Variants in PACSIN1 observed in about 807,000 individuals in gnomAD.
The protein encoded by PACSIN1 is protein kinase C and casein kinase substrate in neurons protein 1.
PACSIN1 carries 15 observed loss-of-function variants against 59.5 expected under a neutral mutation model. The ratio of observed to expected loss-of-function variants is 0.25; its 90% CI spans 0.17 to 0.39. The LOEUF (loss-of-function observed/expected upper bound fraction) is 0.39. Ranked by LOEUF, PACSIN1 falls within the 10% of genes least tolerant of loss-of-function variation. The pLI is 1.00. For synonymous variants in PACSIN1, 210 were observed against 220.6 expected, an observed-to-expected ratio of 0.95 and a Z score of 0.42; for missense variants, 420 against 580.2, an observed-to-expected ratio of 0.72 and a Z score of 2.84.
At chr6:34,512,358 G>T (rs963073435) in intron 1 of PACSIN1, among the ~76,000 whole-genome samples, 2 of 150,662 alleles carry the variant, frequency 1.3e-5, no homozygotes, top group African/African-American at 4.9e-5. Flanking sequence ...TGACGGAGGG[G>T]TGGGTGGGAG....
rs1013755465 is a variant in PACSIN1 at position 34,487,088 on chromosome 6, C to T, written c.-64+20818C>T. Among the ~76,000 whole-genome samples the T allele has an allele frequency of 1.3e-4, 20 of 151,912 alleles. No homozygotes were observed. In the East Asian group the frequency reaches 2.9e-3, roughly 22 times the overall value. The stretch of plus-strand genomic sequence containing the variant: ...AGGAGGCTGAGGTGGGAGGATCAGC[C>T]GAGCCCAGGGAGGTTGAGGCTGCAG... On this transcript the variant is annotated intron_variant, in intron 1 of 9. Transcript: ENST00000244458.
intron 3 of PACSIN1, 97 bp from the exon 4 acceptor site, chr6:34,528,545 T>C: frequency 1.1e-6 from 1 of 893,802 alleles, no homozygotes; most frequent in Non-Finnish European, 1.8e-6. Context: ...TTTCTGTTGC[T>C]ATGAGAGGAA....
intron 1 of PACSIN1, among the ~76,000 whole-genome samples, chr6:34,476,934 C>T (rs140630293): frequency 3.0e-4 from 45 of 152,326 alleles, no homozygotes; most frequent in Non-Finnish European, 6.0e-4. Flanking sequence ...TGGTAATGGG[C>T]ATCTATGAGG....
intron 1 of PACSIN1, among the ~76,000 whole-genome samples, chr6:34,472,644 G>A (rs1218816511): frequency 6.6e-6 from 1 of 151,972 alleles, no homozygotes. Context: ...CGTGTGTTTG[G>A]AGAGTTTTTA....
intron 1 of PACSIN1, among the ~76,000 whole-genome samples, chr6:34,491,359 G>A (rs1314439658): frequency 1.3e-5 from 2 of 152,072 alleles, no homozygotes; most frequent in African/African-American, 4.8e-5. Flanking sequence ...TCTTGTCCCT[G>A]CAGTGCGGTC....
At chr6:34,526,474 C>T in intron 2 of PACSIN1, 106 bp downstream of exon 2, 1 of 878,074 alleles carries the variant, frequency 1.1e-6, no homozygotes, top group Non-Finnish European at 1.8e-6. Flanking sequence ...CTCCGCAGTC[C>T]CCCAGGCCCC....
chr6:34,504,690 T>C (rs1197361597), intron 1 of PACSIN1, among the ~76,000 whole-genome samples: 2 of 152,244 alleles, frequency 1.3e-5, no homozygotes, highest in Admixed American at 1.3e-4. Flanking sequence ...TTTCCATTTT[T>C]CTTTCCTCCT....
At chr6:34,478,896 C>T (rs1182399715) in intron 1 of PACSIN1, among the ~76,000 whole-genome samples, 3 of 152,202 alleles carry the variant, frequency 2.0e-5, no homozygotes, top group African/African-American at 2.4e-5. Flanking sequence ...AGCAGCATGG[C>T]GCCGGGTCTG....
chr6:34,478,128 C>T (rs1259379464), intron 1 of PACSIN1, among the ~76,000 whole-genome samples: 1 of 149,798 alleles, frequency 6.7e-6, no homozygotes, highest in Non-Finnish European at 1.5e-5. Flanking sequence ...GGCGCGATCT[C>T]GGCTTACTGC....
At chr6:34,507,034 A>T (rs1767126627) in intron 1 of PACSIN1, among the ~76,000 whole-genome samples, 1 of 151,964 alleles carries the variant, frequency 6.6e-6, no homozygotes, top group Non-Finnish European at 1.5e-5. Flanking sequence ...TACAGTAGGG[A>T]CGTCATTGTT....
intron 1 of PACSIN1, among the ~76,000 whole-genome samples, chr6:34,491,273 G>A (rs1766872476): frequency 6.6e-6 from 1 of 152,022 alleles, no homozygotes. Flanking sequence ...TAGTGCACGC[G>A]GGCCCCAGCA....
At chr6:34,511,934 C>T (rs1430173914) in intron 1 of PACSIN1, among the ~76,000 whole-genome samples, 1 of 152,022 alleles carries the variant, frequency 6.6e-6, no homozygotes, top group African/African-American at 2.4e-5. Context: ...GCATGAGGGC[C>T]GCTGCCCTGT....
intron 1 of PACSIN1, among the ~76,000 whole-genome samples, chr6:34,506,030 C>G (rs898633551): frequency 6.6e-6 from 1 of 152,078 alleles, no homozygotes; most frequent in Non-Finnish European, 1.5e-5. Flanking sequence ...TACATAATTG[C>G]TTAGGCTTTC....
rs774321014 is a variant in PACSIN1, at chr6:34,531,725, T to C, written c.1163T>C (p.Val388Ala). The change falls in exon 9 of 10, where the codon GTG becomes GCG. Residue 388 changes from valine (V) to alanine (A), a missense_variant. Coordinates refer to ENST00000244458, the MANE Select transcript of PACSIN1 (RefSeq NM_020804.5). This position sits in a 1 kb window ranked among gnomAD's most constrained non-coding sequence, Gnocchi z 4.4. ...ANPFEDDSKG[V>A]RVRALYDYDG... ...CCCTTTGAGGACGACTCCAAGGGAG[T>C]GCGCGTGCGGGCACTCTACGACTAT... The C allele has an allele frequency of 1.2e-6, 2 of 1,605,666 alleles. No individual in the cohort carries two copies. The highest frequency in any genetic ancestry group is 1.3e-5 in the African/African-American group (1 of 74,402).
chr6:34,522,205 G>A (rs113618060), intron 1 of PACSIN1, among the ~76,000 whole-genome samples: 254 of 152,346 alleles, frequency 1.7e-3, no homozygotes, highest in African/African-American at 5.6e-3. Flanking sequence ...ACGCAGCAGT[G>A]GCTTCGGCTG....
intron 3 of PACSIN1, among the ~76,000 whole-genome samples, chr6:34,527,903 A>G (rs1014277829): frequency 1.3e-5 from 2 of 152,216 alleles, no homozygotes; most frequent in African/African-American, 4.8e-5. Flanking sequence ...CCTAAGAACA[A>G]GAGCATTTGC....
At chr6:34,466,625 T>C (rs1258506631) in intron 1 of PACSIN1, among the ~76,000 whole-genome samples, 1 of 152,094 alleles carries the variant, frequency 6.6e-6, no homozygotes, top group Non-Finnish European at 1.5e-5. Flanking sequence ...AAGGGGTGGG[T>C]GGGCTGGTGC....
rs1037042444 is a variant in PACSIN1 at position 34,518,515 on chromosome 6, G to A, written c.-63-7728G>A. ...CCCCGAGAAGCCAACCCCAAGACAA[G>A]GATATGATTCATTTAGGAGGTGGCC... is the stretch of plus-strand genomic sequence containing the variant. On this transcript the variant is annotated intron_variant, in intron 1 of 9. Transcript: ENST00000244458. This position sits in a 1 kb window ranked among gnomAD's most constrained non-coding sequence, Gnocchi z 4.4. 1.3e-5 allele frequency among the ~76,000 whole-genome samples: 2 copies of A among 152,152 alleles called. No individual in the cohort carries two copies. Among genetic ancestry groups the A allele is most frequent in the Non-Finnish European group, 2.9e-5 (2 of 68,026 alleles).
At chr6:34,468,591 C>T (rs1200083063) in intron 1 of PACSIN1, among the ~76,000 whole-genome samples, 11 of 152,192 alleles carry the variant, frequency 7.2e-5, no homozygotes, top group Non-Finnish European at 1.5e-5. Context: ...GCAAGTGGGG[C>T]TTCTGTCACC....
Sources: gnomAD v4.1 joint callset for allele counts (sites outside exome capture counted in the v4.1 genomes callset) on GRCh38, gnomAD v4.1.1 for gene constraint, Gnocchi (gnomAD v3.1) non-coding constraint, MANE v1.5 for transcripts, NCBI Gene and HGNC (gene_info 2026-07-23, HGNC 2026-07-21) for gene names.